The following ARF4 variants were observed in gnomAD, a reference collection of about 807,000 sequenced individuals.
The protein encoded by ARF4 is ADP-ribosylation factor 4.
In ARF4, 5 loss-of-function variants were observed where a neutral mutation model predicts 24.3. That is an observed-to-expected ratio of 0.21 (90% CI 0.11 to 0.43). The LOEUF (loss-of-function observed/expected upper bound fraction) is 0.43, where lower values mean the gene tolerates loss of function less well. Ranked by LOEUF, ARF4 falls within the 20% of genes least tolerant of loss-of-function variation. The pLI is 1.00. For missense variants in ARF4, 107 were observed against 213.0 expected (o/e 0.50, Z 3.10); for synonymous variants, 62 against 73.5 (o/e 0.84, Z 0.80).
At chr3:57,578,945 C>T (rs1238880885) in intron 3 of ARF4, among the ~76,000 whole-genome samples, 1 of 152,048 alleles carries the variant, frequency 6.6e-6, no homozygotes, top group Non-Finnish European at 1.5e-5. Context: ...ACCTTGACTC[C>T]TAAAGTATCA....
chr3:57,572,166 A>C lies in ARF4; in HGVS notation c.*46T>G, dbSNP rs771601910. The C allele has an allele frequency of 2.0e-6, 3 of 1,493,678 alleles. No homozygotes were observed. The highest frequency in any genetic ancestry group is 2.8e-6 in the Non-Finnish European group (3 of 1,071,054). 92.5% of individuals were successfully genotyped at this position (1,493,678 alleles called of 1,614,324 possible). ...AAACTAATTTTGTTGTAACAAGCCT[A>C]GACCAATTTTATCAAACATGTCCTT... On this transcript the variant is annotated 3_prime_UTR_variant, in exon 6 of 6. Transcript: ENST00000303436.
intron 1 of ARF4, among the ~76,000 whole-genome samples, chr3:57,596,421 A>G (rs1041757408): frequency 2.0e-5 from 3 of 152,238 alleles, no homozygotes; most frequent in Non-Finnish European, 4.4e-5. Flanking sequence ...AAAGAAATAG[A>G]AGATAAGCTC....
At position 57,589,622 on chromosome 3, in the gene ARF4, G is replaced by A. The variant is rs138639640; in HGVS notation, c.68-5158C>T. Among the ~76,000 whole-genome samples the A allele has an allele frequency of 4.2e-3, 638 of 151,820 alleles. 6 individuals are homozygous for A. The highest frequency in any genetic ancestry group is 0.015 in the African/African-American group (619 of 41,392). On this transcript the variant is annotated intron_variant, in intron 1 of 5. Transcript: ENST00000303436. ...AAACCCAGCTACTTGGGAGGCTGAG[G>A]CAGGAGAATCGCTTGAACCCGGGAG...
intron 1 of ARF4, among the ~76,000 whole-genome samples, chr3:57,595,756 C>A (rs1178718001): frequency 1.3e-5 from 2 of 152,104 alleles, no homozygotes; most frequent in Non-Finnish European, 2.9e-5. Context: ...CGAGACCAGA[C>A]TGGCCAACGT....
At chr3:57,579,161 C>G (rs113010096) in intron 3 of ARF4, among the ~76,000 whole-genome samples, 2 of 131,964 alleles carry the variant, frequency 1.5e-5, no homozygotes, top group African/African-American at 5.7e-5. Flanking sequence ...GGTGGCACAC[C>G]TGTAATCCCA....
At chr3:57,586,052 C>CTA (rs2070033156) in intron 1 of ARF4, among the ~76,000 whole-genome samples, 1 of 152,146 alleles carries the variant, frequency 6.6e-6, no homozygotes, top group African/African-American at 2.4e-5. Context: ...GAACAAGAGG[C>CTA]TATACCTCCT....
intron 1 of ARF4, 68 bp downstream of exon 1, chr3:57,597,006 A>C: frequency 6.4e-7 from 1 of 1,558,374 alleles, no homozygotes. Flanking sequence ...AAACAGGCCC[A>C]GAGGCCACCC....
intron 1 of ARF4, among the ~76,000 whole-genome samples, chr3:57,590,013 C>T (rs2070089092): frequency 1.3e-5 from 2 of 150,500 alleles, no homozygotes; most frequent in Admixed American, 6.7e-5. Context: ...ATTGCTTGAA[C>T]CCGGGAGGTG....
rs2069893199 is a variant in ARF4, at chr3:57,575,545, T to TA, written c.456+2dup. The TA allele has an allele frequency of 6.2e-7, 1 of 1,609,552 alleles. No homozygotes were observed. The highest frequency in any genetic ancestry group is 1.7e-5 in the Admixed American group (1 of 58,836). On this transcript the variant is annotated splice_region_variant and intron_variant, in intron 5 of 5. Transcript: ENST00000303436. ...AGGTTAATATCAACCTCCAAATACTTACTGTTCTGTTACGAAGAGACTGAA... is the reference window on the plus strand; with the variant it reads ...AGGTTAATATCAACCTCCAAATACTTAACTGTTCTGTTACGAAGAGACTGAA...
chr3:57,596,499 TAGCAAAGTG>T (rs1373708320), intron 1 of ARF4: 1 of 152,260 alleles, frequency 6.6e-6, no homozygotes, highest in Non-Finnish European at 1.5e-5. Flanking sequence ...AGGCCAAGTT[TAGCAAAGTG>T]AGCGCTGAAG....
chr3:57,573,589 CTGAT>C (rs2069865743), intron 5 of ARF4, among the ~76,000 whole-genome samples: 1 of 152,086 alleles, frequency 6.6e-6, no homozygotes, highest in Non-Finnish European at 1.5e-5. Flanking sequence ...GATTGATCGA[CTGAT>C]TGTTTTGAGG....
intron 1 of ARF4, among the ~76,000 whole-genome samples, chr3:57,588,659 G>A (rs1270387131): frequency 6.9e-6 from 1 of 145,490 alleles, no homozygotes; most frequent in African/African-American, 2.6e-5. Flanking sequence ...TCAGAGACCA[G>A]CCTGACCAAC....
intron 2 of ARF4, 25 bp downstream of exon 2, chr3:57,584,359 T>C (rs368936399): frequency 4.6e-6 from 7 of 1,537,812 alleles, no homozygotes; most frequent in African/African-American, 1.4e-5. Context: ...TATCATGATA[T>C]AAAGTCATCT....
chr3:57,575,537 C>A lies in ARF4; in HGVS notation c.456+11G>T. On this transcript the variant is annotated intron_variant, in intron 5 of 5. Transcript: ENST00000303436. ...TAGTCAAGAGGTTAATATCAACCTCCAAATACTTACTGTTCTGTTACGAAG... is the reference window on the plus strand; with the variant it reads ...TAGTCAAGAGGTTAATATCAACCTCAAAATACTTACTGTTCTGTTACGAAG... The A allele has an allele frequency of 1.2e-6, 2 of 1,606,328 alleles. No individual in the cohort carries two copies. The highest frequency in any genetic ancestry group is 1.7e-6 in the Non-Finnish European group (2 of 1,177,242).
At chr3:57,586,182 T>C (rs901352490) in intron 1 of ARF4, among the ~76,000 whole-genome samples, 3 of 152,226 alleles carry the variant, frequency 2.0e-5, no homozygotes, top group Admixed American at 6.5e-5. Context: ...AATAACCTCA[T>C]TGAATCTATC....
intron 1 of ARF4, among the ~76,000 whole-genome samples, chr3:57,586,844 CTT>C (rs1184434706): frequency 6.6e-6 from 1 of 152,124 alleles, no homozygotes; most frequent in Non-Finnish European, 1.5e-5. Context: ...AAAGCTGTCT[CTT>C]GAAAGCATCA....
intron 1 of ARF4, among the ~76,000 whole-genome samples, chr3:57,584,995 C>G (rs1349418984): frequency 6.6e-6 from 1 of 152,038 alleles, no homozygotes; most frequent in Non-Finnish European, 1.5e-5. Flanking sequence ...TCCCAAGTAG[C>G]TGGGACTACA....
chr3:57,588,204 G>A (rs2070062347), intron 1 of ARF4, among the ~76,000 whole-genome samples: 1 of 152,154 alleles, frequency 6.6e-6, no homozygotes, highest in Admixed American at 6.5e-5. Context: ...AGATGTACTG[G>A]AATACTTGTT....
chr3:57,597,244 A>G lies in ARF4; in HGVS notation c.-104T>C. The G allele has an allele frequency of 8.7e-7, 1 of 1,146,884 alleles. No individual in the cohort carries two copies. The highest frequency in any genetic ancestry group is 2.5e-5 in the East Asian group (1 of 39,520). The allele number at this position is 1,146,884 out of a possible 1,614,324, so 71.0% of individuals were successfully genotyped here. A position where few individuals can be genotyped will look rare whatever the true frequency, so the allele number is the denominator to read the frequency against. ...GCAAACTAAACGAGAGGGAAGAGAA[A>G]GAGCGGAGGAAGAAAGAGGGAGGCA... On this transcript the variant is annotated 5_prime_UTR_variant, in exon 1 of 6. Coordinates refer to ENST00000303436, the MANE Select transcript of ARF4 (RefSeq NM_001660.4).
Sources: gnomAD v4.1 joint callset for allele counts (sites outside exome capture counted in the v4.1 genomes callset) on GRCh38, gnomAD v4.1.1 for gene constraint, MANE v1.5 for transcripts, NCBI Gene and HGNC (gene_info 2026-07-23, HGNC 2026-07-21) for gene names.